KALRN: variants seen among roughly 807,000 people sequenced by gnomAD.
The protein encoded by KALRN is kalirin RhoGEF kinase, also known as kalirin.
Under a neutral mutation model 353.7 loss-of-function variants are expected in KALRN, and 70 were observed. That is an observed-to-expected ratio of 0.20 (90% CI 0.16 to 0.24). The LOEUF (loss-of-function observed/expected upper bound fraction) is 0.24. KALRN is among the 10% of genes least tolerant of loss of function. The pLI, the probability that KALRN is intolerant of heterozygous loss-of-function variation, is 1.00. For synonymous variants in KALRN, 1,391 were observed against 1,434.8 expected (o/e 0.97, Z 0.69); for missense variants, 2,791 against 3,756.7 (o/e 0.74, Z 6.72).
At chr3:124,430,494 T>C (rs1380578424) in intron 15 of KALRN, among the ~76,000 whole-genome samples, 162 bp from the exon 16 acceptor site, 1 of 152,184 alleles carries the variant, frequency 6.6e-6, no homozygotes, top group Non-Finnish European at 1.5e-5. Context: ...CTCTGTATGA[T>C]TGGGGAGATG....
At chr3:124,485,658 T>A (rs1375855245) in intron 28 of KALRN, among the ~76,000 whole-genome samples, 1 of 152,172 alleles carries the variant, frequency 6.6e-6, no homozygotes, top group African/African-American at 2.4e-5. Flanking sequence ...GGCAGGTGGA[T>A]CACTTGAGGT....
chr3:124,584,833 C>T, intron 34 of KALRN: 1 of 1,604,606 alleles, frequency 6.2e-7, no homozygotes, highest in East Asian at 2.3e-5. Context: ...TGAAGGGCGG[C>T]GACAGGGCTT....
chr3:124,721,317 T>C lies in KALRN; in HGVS notation c.*1847T>C, dbSNP rs958930410. 6.6e-5 allele frequency: 10 copies of C among 152,280 alleles called. No homozygotes were observed. The highest frequency in any genetic ancestry group is 2.4e-4 in the African/African-American group (10 of 41,564). The allele number at this position is 152,280 out of a possible 1,614,324, so 9.4% of individuals were successfully genotyped here. On this transcript the variant is annotated 3_prime_UTR_variant, in exon 60 of 60. Coordinates refer to ENST00000682506, the MANE Select transcript of KALRN (RefSeq NM_001388419.1). Reference sequence around the variant, plus strand: ...CTTAGTATTTTTGGGATTAACCAAATATATGGAAACCGACTCCGACTGTAT... The same window carrying C: ...CTTAGTATTTTTGGGATTAACCAAACATATGGAAACCGACTCCGACTGTAT...
intron 33 of KALRN, among the ~76,000 whole-genome samples, chr3:124,558,554 C>T (rs1030619312): frequency 5.3e-5 from 8 of 152,260 alleles, no homozygotes; most frequent in Non-Finnish European, 1.2e-4. Flanking sequence ...GCTGGGATTA[C>T]AGTCACGAGC....
intron 6 of KALRN, among the ~76,000 whole-genome samples, chr3:124,301,929 T>C (rs1223454823): frequency 6.6e-6 from 1 of 152,222 alleles, no homozygotes; most frequent in East Asian, 1.9e-4. Flanking sequence ...TGGTATTGAA[T>C]CTTATTTTAC....
In KALRN at chr3:124,262,048, C is replaced by A. The variant is rs182015110; in HGVS notation, c.264-2450C>A. Among the ~76,000 whole-genome samples the A allele has an allele frequency of 3.7e-4, 56 of 151,986 alleles. No individual in the cohort carries two copies. The East Asian group carries it at 0.011, about 29-fold the overall frequency. ...ATAATATATTTTTTAATAAAACGGG[C>A]AAAGATTTTAAAAATTCTATGACCA... On this transcript the variant is annotated intron_variant, in intron 3 of 59. Transcript: ENST00000682506.
intron 1 of KALRN, among the ~76,000 whole-genome samples, chr3:124,101,877 C>T (rs952720574): frequency 6.6e-6 from 1 of 152,190 alleles, no homozygotes; most frequent in Non-Finnish European, 1.5e-5. Context: ...TGGATACCCA[C>T]TGTGGTCTGG....
At chr3:124,360,090 G>A (rs1448663590) in intron 10 of KALRN, among the ~76,000 whole-genome samples, 2 of 152,250 alleles carry the variant, frequency 1.3e-5, no homozygotes, top group African/African-American at 4.8e-5. Flanking sequence ...GCATCCAGGA[G>A]CCAGTGGTGT....
At chr3:124,435,616 G>A (rs1165796514) in intron 17 of KALRN, among the ~76,000 whole-genome samples, 1 of 152,152 alleles carries the variant, frequency 6.6e-6, no homozygotes, top group African/African-American at 2.4e-5. Flanking sequence ...AGTCTTCCTT[G>A]GAGCAAATAT....
rs1487320934 is a variant in KALRN at position 124,722,437 on chromosome 3, G to C, written c.*2967G>C. On this transcript the variant is annotated 3_prime_UTR_variant, in exon 60 of 60. Coordinates refer to ENST00000682506, the MANE Select transcript of KALRN (RefSeq NM_001388419.1). Reference sequence around the variant, plus strand: ...TTAGACTAGAATGAACTTAATAGAGGCCCCAAGAGAAAGGGGGTATATTTT... The same window carrying C: ...TTAGACTAGAATGAACTTAATAGAGCCCCCAAGAGAAAGGGGGTATATTTT... 6.6e-6 allele frequency: 1 copy of C among 152,110 alleles called. No individual in the cohort carries two copies. Among genetic ancestry groups the C allele is most frequent in the Non-Finnish European group, 1.5e-5 (1 of 68,032 alleles). 9.4% of individuals were successfully genotyped at this position (152,110 alleles called of 1,614,324 possible). A position where few individuals can be genotyped will look rare whatever the true frequency, so the allele number is the denominator to read the frequency against.
At chr3:124,510,124 T>G (rs912150841) in intron 33 of KALRN, among the ~76,000 whole-genome samples, 2 of 152,130 alleles carry the variant, frequency 1.3e-5, no homozygotes, top group Admixed American at 1.3e-4. Context: ...ACAAGCACAA[T>G]GTGATGTGTT....
chr3:124,181,058 C>G (rs1037673062), intron 1 of KALRN, among the ~76,000 whole-genome samples: 6 of 132,770 alleles, frequency 4.5e-5, no homozygotes, highest in African/African-American at 1.9e-4. Flanking sequence ...TGGCAAAACC[C>G]CATCTCTACT....
intron 1 of KALRN, among the ~76,000 whole-genome samples, chr3:124,216,892 G>A (rs1383885239): frequency 1.3e-5 from 2 of 152,128 alleles, no homozygotes; most frequent in Non-Finnish European, 2.9e-5. Flanking sequence ...TCTAGGTCTT[G>A]GGAAAATCCC....
chr3:124,262,929 T>C (rs1379831563), intron 3 of KALRN, among the ~76,000 whole-genome samples: 2 of 152,180 alleles, frequency 1.3e-5, no homozygotes, highest in Non-Finnish European at 2.9e-5. Context: ...AATACTATGC[T>C]GGTATTTATA....
At chr3:124,567,073 G>A (rs1229370686) in intron 34 of KALRN, among the ~76,000 whole-genome samples, 1 of 152,176 alleles carries the variant, frequency 6.6e-6, no homozygotes, top group South Asian at 2.1e-4. Context: ...GGTTCCCAAC[G>A]CTGGCTGCAC....
At chr3:124,490,490 A>G (rs1320675758) in intron 29 of KALRN, among the ~76,000 whole-genome samples, 1 of 152,178 alleles carries the variant, frequency 6.6e-6, no homozygotes, top group Non-Finnish European at 1.5e-5. Context: ...ATGGTGCAGG[A>G]AGGGGGCAGG....
At position 124,655,716 on chromosome 3, in the gene KALRN, G is replaced by A. The variant is rs376999783; in HGVS notation, c.5862+49G>A. On this transcript the variant is annotated intron_variant, in intron 39 of 59. Transcript: ENST00000682506. ...TCTGTGGTCACCCAACCAGGAGCAC[G>A]TTGGACCCTACCTAGGCCAAGGTGT... 2.8e-5 allele frequency: 39 copies of A among 1,386,948 alleles called. 1 individual carries two copies. The highest frequency in any genetic ancestry group is 1.8e-4 in the Admixed American group (11 of 59,698). 85.9% of individuals were successfully genotyped at this position (1,386,948 alleles called of 1,614,324 possible). A position where few individuals can be genotyped will look rare whatever the true frequency, so the allele number is the denominator to read the frequency against.
intron 33 of KALRN, among the ~76,000 whole-genome samples, chr3:124,526,667 A>G (rs1338712259): frequency 6.6e-6 from 1 of 152,172 alleles, no homozygotes; most frequent in Non-Finnish European, 1.5e-5. Context: ...TAGCACCACT[A>G]GTCACATCTT....
At chr3:124,614,663 T>G (rs754898565) in intron 34 of KALRN, among the ~76,000 whole-genome samples, 1 of 151,348 alleles carries the variant, frequency 6.6e-6, no homozygotes, top group Non-Finnish European at 1.5e-5. Flanking sequence ...CTCAACCTCC[T>G]GGGCTCAGGC....
Sources: allele counts gnomAD v4.1 joint callset (sites outside exome capture counted in the v4.1 genomes callset), GRCh38; gene constraint gnomAD v4.1.1; transcripts MANE v1.5; gene names NCBI Gene and HGNC (gene_info 2026-07-23, HGNC 2026-07-21).